The following FLT1 variants were observed in gnomAD, a reference collection of about 807,000 sequenced individuals.
FLT1 encodes the protein fms related receptor tyrosine kinase 1.
In FLT1, 49 loss-of-function variants were observed where a neutral mutation model predicts 156.3. That is an observed-to-expected ratio of 0.31 (90% CI 0.25 to 0.40). The LOEUF is 0.40. Ranked by LOEUF, FLT1 falls within the 10% of genes least tolerant of loss-of-function variation. The pLI, the probability that FLT1 is intolerant of heterozygous loss-of-function variation, is 1.00. For missense variants in FLT1, 1,322 were observed against 1,637.2 expected, an observed-to-expected ratio of 0.81 and a Z score of 3.32; for synonymous variants, 594 against 583.8, an observed-to-expected ratio of 1.02 and a Z score of -0.25.
chr13:28,439,264 T>C lies in FLT1; in HGVS notation c.389-919A>G, dbSNP rs1878208604. 6.6e-6 allele frequency among the ~76,000 whole-genome samples: 1 copy of C among 152,198 alleles called. No individual in the cohort carries two copies. The highest frequency in any genetic ancestry group is 6.5e-5 in the Admixed American group (1 of 15,282). On this transcript the variant is annotated intron_variant, in intron 3 of 29. Coordinates refer to ENST00000282397, the MANE Select transcript of FLT1 (RefSeq NM_002019.4). This position sits in a 1 kb window ranked among gnomAD's most constrained non-coding sequence, Gnocchi z 4.1. ...AACGATCTCTTCGGGAGTCATTGTG[T>C]TCTGATCGTCCCGCATTTGTTCCAG...
At chr13:28,324,427 A>G (rs895145432) in intron 20 of FLT1, among the ~76,000 whole-genome samples, 2 of 152,166 alleles carry the variant, frequency 1.3e-5, no homozygotes, top group African/African-American at 2.4e-5. Context: ...ACTGGGAGAA[A>G]GCTTCAGGAG....
Position 28,322,115 on chromosome 13 carries a change from A to G in FLT1, c.3051+147T>C, listed in dbSNP as rs1871485666. ...TGACTCCTCATTCTCAAAACTCCTC[A>G]TATCAAGGCAAATTAAGGCACTTGC... is the stretch of plus-strand genomic sequence containing the variant. On this transcript the variant is annotated intron_variant, in intron 22 of 29. Transcript: ENST00000282397. This position sits in a 1 kb window ranked among gnomAD's most constrained non-coding sequence, Gnocchi z 4.3. 9.1e-6 allele frequency: 6 copies of G among 660,352 alleles called. No individual in the cohort carries two copies. The highest frequency in any genetic ancestry group is 1.4e-5 in the Non-Finnish European group (5 of 366,774). 40.9% of individuals were successfully genotyped at this position (660,352 alleles called of 1,614,324 possible). A position where few individuals can be genotyped will look rare whatever the true frequency, so the allele number is the denominator to read the frequency against.
chr13:28,461,126 C>T (rs1218186154), intron 3 of FLT1, among the ~76,000 whole-genome samples: 2 of 148,060 alleles, frequency 1.4e-5, no homozygotes, highest in African/African-American at 5.3e-5. Flanking sequence ...GTGGATGCCC[C>T]AGCTCCTAGC....
In FLT1 at chr13:28,306,715, A is replaced by G; in HGVS notation, c.3778T>C (p.Trp1260Arg). Residue 1260 changes from tryptophan to arginine, a missense_variant, in exon 29 of 30, where the codon TGG (tryptophan) becomes CGG (arginine). Trp to Arg is a moderately radical substitution (Grantham distance 101). Transcript: ENST00000282397. ...LASPMLKRFT[W>R]TDSKPKASLK... is the part of the protein sequence containing the mutation. Reference sequence around the variant, plus strand: ...GAGGCCTTGGGTTTGCTGTCAGTCCAGGTGAAGCGCTTCAGCATGGGAGAG... The same window carrying G: ...GAGGCCTTGGGTTTGCTGTCAGTCCGGGTGAAGCGCTTCAGCATGGGAGAG... The G allele has an allele frequency of 6.2e-7, 1 of 1,613,906 alleles. No homozygotes were observed. The highest frequency in any genetic ancestry group is 1.1e-5 in the South Asian group (1 of 91,070).
chr13:28,359,314 G>A (rs182251145), intron 14 of FLT1, among the ~76,000 whole-genome samples: 86 of 152,256 alleles, frequency 5.6e-4, no homozygotes, highest in African/African-American at 1.9e-3. Context: ...AAGTGGTGTT[G>A]GGAAAACTGG....
intron 25 of FLT1, among the ~76,000 whole-genome samples, chr13:28,312,460 A>G (rs1209879809): frequency 1.3e-5 from 2 of 152,258 alleles, no homozygotes; most frequent in South Asian, 4.2e-4. Context: ...TTCAATGTGA[A>G]GTGGAGTACT....
rs1160441353 is a variant in FLT1, at chr13:28,319,687, T to C, written c.3175-153A>G. Among the ~76,000 whole-genome samples, 3 of 152,182 alleles carry C rather than the reference T, an allele frequency of 2.0e-5. No homozygotes were observed. In the East Asian group the frequency reaches 5.8e-4, roughly 29 times the overall value. On this transcript the variant is annotated intron_variant, in intron 23 of 29. Transcript: ENST00000282397. ...TCCTAACATAGAGAACACCATAGTA[T>C]GCAGTGTTACGCTAAAAGAGGGAGC...
intron 14 of FLT1, among the ~76,000 whole-genome samples, chr13:28,363,137 A>G (rs1873171506): frequency 6.6e-6 from 1 of 152,162 alleles, no homozygotes; most frequent in African/African-American, 2.4e-5. Context: ...GTTGATACTC[A>G]CTTTATATGA....
chr13:28,352,576 A>G (rs1426285894), intron 15 of FLT1, among the ~76,000 whole-genome samples: 1 of 152,206 alleles, frequency 6.6e-6, no homozygotes, highest in Admixed American at 6.5e-5. Flanking sequence ...ATTTTTTAAA[A>G]TTCTTCTTGA....
chr13:28,385,918 G>C (rs1449568057), intron 13 of FLT1: 1 of 1,051,476 alleles, frequency 9.5e-7, no homozygotes, highest in African/African-American at 1.7e-5. Context: ...TAGTTAGGAG[G>C]GTACTGGATT....
In FLT1 at chr13:28,310,559, C is replaced by G. The variant is rs546847624; in HGVS notation, c.3635+1031G>C. 4.7e-4 allele frequency among the ~76,000 whole-genome samples: 71 copies of G among 152,244 alleles called. No homozygotes were observed. The South Asian group carries it at 0.014, about 31-fold the overall frequency. ...CAGACCCAGCACTTGTCTGTGTAAC[C>G]GTCATCCCTGCCCAGGTTTCGTGCA... On this transcript the variant is annotated intron_variant, in intron 27 of 29. Coordinates refer to ENST00000282397, the MANE Select transcript of FLT1 (RefSeq NM_002019.4).
intron 11 of FLT1, chr13:28,398,895 A>C (rs949673798): frequency 2.2e-5 from 14 of 629,890 alleles, no homozygotes; most frequent in African/African-American, 1.7e-4. Flanking sequence ...AGGAAAGCGC[A>C]TATGAAGGCA....
rs763760671 is a variant in FLT1, at chr13:28,306,789, A to G, written c.3721-17T>C. 3.2e-6 allele frequency: 5 copies of G among 1,580,052 alleles called. No individual in the cohort carries two copies. The highest frequency in any genetic ancestry group is 3.5e-6 in the Non-Finnish European group (4 of 1,149,340). On this transcript the variant is annotated splice_polypyrimidine_tract_variant and intron_variant, in intron 28 of 29. Transcript: ENST00000282397. ...CTGGTAGTCCTAGGGGGAGAAGGAG[A>G]AAGGTTATACTCTTGCCTGGCCCAG...
chr13:28,390,019 G>A lies in FLT1; in HGVS notation c.1746C>T (p.Phe582=). The A allele has an allele frequency of 6.2e-7, 1 of 1,614,174 alleles. No individual in the cohort carries two copies. The highest frequency in any genetic ancestry group is 8.5e-7 in the Non-Finnish European group (1 of 1,180,024). The change falls in exon 13 of 30, where the codon TTC becomes TTT. Residue 582 remains phenylalanine (F), a synonymous_variant. Coordinates refer to ENST00000282397, the MANE Select transcript of FLT1 (RefSeq NM_002019.4). The part of the protein sequence containing the change: ...DLKLSCTVNK[F]LYRDVTWILL... ...AAATCCAAGTAACGTCTCTGTATAA[G>A]AACTTGTTAACTGTGCAAGACAGTT...
intron 16 of FLT1, among the ~76,000 whole-genome samples, chr13:28,345,140 A>G (rs915658005): frequency 3.3e-5 from 5 of 152,112 alleles, no homozygotes; most frequent in African/African-American, 4.8e-5. Context: ...GCGTTAGGAA[A>G]TAAAGGTTTC....
chr13:28,352,705 T>C (rs1261530733), intron 15 of FLT1, among the ~76,000 whole-genome samples: 1 of 152,220 alleles, frequency 6.6e-6, no homozygotes, highest in Non-Finnish European at 1.5e-5. Flanking sequence ...AGCACTGCTC[T>C]CTCCTCGGGA....
At chr13:28,327,697 G>A in intron 19 of FLT1, 147 bp from the exon 20 acceptor site, 1 of 590,508 alleles carries the variant, frequency 1.7e-6, no homozygotes, top group Non-Finnish European at 3.1e-6. Context: ...AGAGGCCCAT[G>A]AATACGGTGA....
At chr13:28,472,182 G>A (rs987713070) in intron 1 of FLT1, among the ~76,000 whole-genome samples, 2 of 152,148 alleles carry the variant, frequency 1.3e-5, no homozygotes, top group African/African-American at 2.4e-5. Context: ...AAGCCTATAC[G>A]TAGAGTGTTC....
rs1048309657 is a variant in FLT1 at position 28,427,420 on chromosome 13, G to C, written c.1277-102C>G. ...CACATTCTCACTGGCTTTGATGTCA[G>C]GGAAACAAACAAGAAACAAAAAAAC... On this transcript the variant is annotated intron_variant, in intron 9 of 29. Transcript: ENST00000282397. 1.9e-5 allele frequency: 21 copies of C among 1,107,592 alleles called. No homozygotes were observed. In the Admixed American group the frequency reaches 3.8e-4, roughly 20 times the overall value. 68.6% of individuals were successfully genotyped at this position (1,107,592 alleles called of 1,614,324 possible). A position where few individuals can be genotyped will look rare whatever the true frequency, so the allele number is the denominator to read the frequency against.
Sources: allele counts gnomAD v4.1 joint callset (sites outside exome capture counted in the v4.1 genomes callset), GRCh38; gene constraint gnomAD v4.1.1; non-coding constraint Gnocchi (gnomAD v3.1); transcripts MANE v1.5; gene names NCBI Gene and HGNC (gene_info 2026-07-23, HGNC 2026-07-21).